The following TAF15 variants were observed in gnomAD, a reference collection of about 807,000 sequenced individuals.
TAF15 encodes TATA-binding protein-associated factor 2N.
A neutral mutation model predicts 102.5 loss-of-function variants in TAF15; 37 were observed. The observed-to-expected ratio is 0.36, with a 90% CI of 0.28 to 0.47. The LOEUF (loss-of-function observed/expected upper bound fraction) is 0.47. Ranked by LOEUF, TAF15 falls within the 20% of genes least tolerant of loss-of-function variation. TAF15 has a pLI of 0.99. For missense variants in TAF15, 652 were observed against 760.7 expected (o/e 0.86, Z 1.68); for synonymous variants, 273 against 259.2 (o/e 1.05, Z -0.51).
chr17:35,838,325 G>C, intron 10 of TAF15, 99 bp from the exon 11 acceptor site: 1 of 1,508,734 alleles, frequency 6.6e-7, no homozygotes, highest in Non-Finnish European at 9.1e-7. Flanking sequence ...GTATGAATGT[G>C]TGAATTCCTT....
chr17:35,812,577 C>CT (rs909008814), intron 1 of TAF15, among the ~76,000 whole-genome samples: 4 of 104,064 alleles, frequency 3.8e-5, no homozygotes, highest in Admixed American at 2.3e-4. Flanking sequence ...AAGAGAAACT[C>CT]TATCTCAAAA....
rs538156549 is a variant in TAF15, at chr17:35,827,392, G to T, written c.605+3194G>T. Among the ~76,000 whole-genome samples the T allele has an allele frequency of 2.0e-4, 30 of 151,844 alleles. No homozygotes were observed. In the East Asian group the frequency reaches 5.6e-3, roughly 28 times the overall value. On this transcript the variant is annotated intron_variant, in intron 7 of 15. Transcript: ENST00000605844. ...GCTGTTTGAAGAATATCTGGCATTA[G>T]TTGGGTTTATATTAAAAGAAGAAGG...
chr17:35,834,363 A>G, intron 8 of TAF15: 2 of 587,322 alleles, frequency 3.4e-6, no homozygotes. Flanking sequence ...AGGACAAGTT[A>G]AAGGAAATGT....
chr17:35,819,382 A>G (rs779699612), intron 2 of TAF15, among the ~76,000 whole-genome samples: 1 of 152,208 alleles, frequency 6.6e-6, no homozygotes, highest in Non-Finnish European at 1.5e-5. Context: ...TAATATTCAA[A>G]TCCCAGGAGG....
chr17:35,840,925 A>G lies in TAF15; in HGVS notation c.914-1442A>G, dbSNP rs114798527. On this transcript the variant is annotated intron_variant, in intron 11 of 15. Coordinates refer to ENST00000605844, the MANE Select transcript of TAF15 (RefSeq NM_139215.3). ...CCGTCTCTGTATTCTTTACTTTTTT[A>G]GACTAATTTGTCAGACTTCATCACC... Among the ~76,000 whole-genome samples the G allele has an allele frequency of 2.9e-3, 440 of 152,128 alleles. 1 individual carries two copies. The highest frequency in any genetic ancestry group is 1.0e-2 in the African/African-American group (414 of 41,546).
chr17:35,840,901 C>T (rs2087535789), intron 11 of TAF15, among the ~76,000 whole-genome samples: 1 of 152,020 alleles, frequency 6.6e-6, no homozygotes, highest in African/African-American at 2.4e-5. Context: ...TGTCTGTCCC[C>T]GTCTCTGTAT....
At chr17:35,813,514 T>TAATC (rs1384661765) in intron 1 of TAF15, among the ~76,000 whole-genome samples, 1 of 152,002 alleles carries the variant, frequency 6.6e-6, no homozygotes, top group Non-Finnish European at 1.5e-5. Flanking sequence ...TATGCATGTG[T>TAATC]AATCCCAGCT....
intron 7 of TAF15, among the ~76,000 whole-genome samples, chr17:35,830,934 C>T (rs958784148): frequency 6.6e-5 from 10 of 152,122 alleles, no homozygotes; most frequent in African/African-American, 1.9e-4. Flanking sequence ...GAGATTGAAG[C>T]TTATGGAGAA....
intron 11 of TAF15, 71 bp downstream of exon 11, chr17:35,838,624 C>T: frequency 1.9e-6 from 3 of 1,602,692 alleles, no homozygotes; most frequent in Non-Finnish European, 1.7e-6. Context: ...TGAGAATATG[C>T]TCTGGGTGAC....
At chr17:35,819,256 C>T (rs2087231194) in intron 2 of TAF15, among the ~76,000 whole-genome samples, 1 of 152,042 alleles carries the variant, frequency 6.6e-6, no homozygotes, top group African/African-American at 2.4e-5. Flanking sequence ...GCACTTGATA[C>T]CTTTAAAATG....
At chr17:35,835,518 A>G (rs1461213631) in intron 9 of TAF15, among the ~76,000 whole-genome samples, 2 of 152,216 alleles carry the variant, frequency 1.3e-5, no homozygotes, top group African/African-American at 4.8e-5. Context: ...TAAGATGCCA[A>G]AGTATTCTAT....
At chr17:35,829,349 G>A (rs2143788187) in intron 7 of TAF15, among the ~76,000 whole-genome samples, 1 of 150,106 alleles carries the variant, frequency 6.7e-6, no homozygotes, top group Middle Eastern at 3.4e-3. Context: ...TAAAAGATTT[G>A]GAGGCTGGGC....
Position 35,836,254 on chromosome 17 carries a change from A to T in TAF15, c.783+13A>T. 6.6e-7 allele frequency: 1 copy of T among 1,516,982 alleles called. No homozygotes were observed. The highest frequency in any genetic ancestry group is 9.2e-7 in the Non-Finnish European group (1 of 1,092,636). The allele number at this position is 1,516,982 out of a possible 1,614,324, so 94.0% of individuals were successfully genotyped here. Reference sequence around the variant, plus strand: ...AGGAATTATCAAGGTGAGTAAAAATATTATATGTTGAAAATCTCATAATTA... The same window carrying T: ...AGGAATTATCAAGGTGAGTAAAAATTTTATATGTTGAAAATCTCATAATTA... On this transcript the variant is annotated intron_variant, in intron 10 of 15. Transcript: ENST00000605844.
chr17:35,811,445 A>G (rs533213388), intron 1 of TAF15: 1 of 152,344 alleles, frequency 6.6e-6, no homozygotes, highest in South Asian at 2.1e-4. Flanking sequence ...AATTAAAGCT[A>G]GACTCTTTAT....
At chr17:35,845,591 C>T (rs1028215591) in intron 15 of TAF15, among the ~76,000 whole-genome samples, 1 of 152,134 alleles carries the variant, frequency 6.6e-6, no homozygotes, top group Non-Finnish European at 1.5e-5. Context: ...CGGCTCACTG[C>T]AAGCCCCGCC....
chr17:35,845,456 A>G (rs1423799388), intron 15 of TAF15, among the ~76,000 whole-genome samples: 3 of 152,024 alleles, frequency 2.0e-5, no homozygotes, highest in South Asian at 4.1e-4. Flanking sequence ...GGGTCTCACT[A>G]TGTTGCCCAG....
At chr17:35,846,553 C>T (rs935985051) in intron 15 of TAF15, among the ~76,000 whole-genome samples, 1 of 152,182 alleles carries the variant, frequency 6.6e-6, no homozygotes, top group Non-Finnish European at 1.5e-5. Context: ...TAGTAAGTGG[C>T]AGATCCAGAA....
chr17:35,831,363 C>A (rs997146878), intron 7 of TAF15, among the ~76,000 whole-genome samples: 8 of 150,086 alleles, frequency 5.3e-5, no homozygotes, highest in Non-Finnish European at 1.2e-4. Flanking sequence ...GCCGAGATCG[C>A]GCCACTGCAC....
chr17:35,841,561 C>G (rs1204284528), intron 11 of TAF15, among the ~76,000 whole-genome samples: 1 of 151,864 alleles, frequency 6.6e-6, no homozygotes, highest in Non-Finnish European at 1.5e-5. Context: ...GCCACCACAC[C>G]CAGTTAATTT....
Sources: gnomAD v4.1 joint callset for allele counts (sites outside exome capture counted in the v4.1 genomes callset) on GRCh38, gnomAD v4.1.1 for gene constraint, MANE v1.5 for transcripts, NCBI Gene and HGNC (gene_info 2026-07-23, HGNC 2026-07-21) for gene names.